The following TCN2 variants were observed in gnomAD, a reference collection of about 807,000 sequenced individuals.
The protein encoded by TCN2 is transcobalamin-2.
In TCN2, 34 loss-of-function variants were observed where a neutral mutation model predicts 48.6. That is an observed-to-expected ratio of 0.70 (90% confidence interval 0.53 to 0.93). TCN2 has a LOEUF of 0.93. Ranked by LOEUF, TCN2 falls within the 40% of genes least tolerant of loss-of-function variation. TCN2 has a pLI of 0.00. For synonymous variants in TCN2, 283 were observed against 212.5 expected (o/e 1.33, Z -2.89); for missense variants, 652 against 526.1 (o/e 1.24, Z -2.34).
In TCN2 at chr22:30,615,603, C is replaced by T. The variant is rs142553702; in HGVS notation, c.756C>T (p.Phe252=). ...TCTCTTCCTCACTCTATCACCAGTT[C>T]CTCATGACTTCCCCCATGCGTGGGG... The part of the protein sequence containing the change: ...NVYSTPLALQ[F]LMTSPMRGAE... Residue 252 remains phenylalanine, a splice_region_variant and synonymous_variant, in exon 6 of 9, where the codon TTC becomes TTT. Coordinates refer to ENST00000215838, the MANE Select transcript of TCN2 (RefSeq NM_000355.4). The T allele has an allele frequency of 6.2e-7, 1 of 1,614,164 alleles. No individual in the cohort carries two copies. The highest frequency in any genetic ancestry group is 2.2e-5 in the East Asian group (1 of 44,880).
At chr22:30,615,258 T>G (rs750651878) in intron 4 of TCN2, 43 bp from the exon 5 acceptor site, 16 of 1,612,718 alleles carry the variant, frequency 9.9e-6, no homozygotes, top group Non-Finnish European at 1.4e-5. Context: ...TCCTGGCCCC[T>G]TTGGCTCTCC....
At chr22:30,620,175 AGT>A in intron 7 of TCN2, among the ~76,000 whole-genome samples, 1 of 151,598 alleles carries the variant, frequency 6.6e-6, no homozygotes, top group East Asian at 1.9e-4. Flanking sequence ...CAAAGGGCTG[AGT>A]GTGATGGCTA....
intron 7 of TCN2, 64 bp from the exon 8 acceptor site, chr22:30,622,904 A>T (rs554118926): frequency 1.3e-6 from 2 of 1,540,112 alleles, no homozygotes; most frequent in East Asian, 4.5e-5. Context: ...GTGGGTGAGC[A>T]CTGCCTCTCC....
At chr22:30,619,868 CTT>C (rs1228461055) in intron 7 of TCN2, among the ~76,000 whole-genome samples, 4 of 152,102 alleles carry the variant, frequency 2.6e-5, no homozygotes, top group African/African-American at 4.8e-5. Flanking sequence ...AATATAAAGT[CTT>C]TGGCCAGAGC....
chr22:30,611,773 G>A (rs1179648985), intron 2 of TCN2, among the ~76,000 whole-genome samples: 1 of 152,224 alleles, frequency 6.6e-6, no homozygotes, highest in Non-Finnish European at 1.5e-5. Context: ...TTCCCAAAGT[G>A]TTGGGATTAT....
chr22:30,621,382 T>G (rs937811245), intron 7 of TCN2, among the ~76,000 whole-genome samples: 1 of 152,238 alleles, frequency 6.6e-6, no homozygotes, highest in South Asian at 2.1e-4. Context: ...TTGTAGAAGA[T>G]GCGTTTGTTC....
rs771345505 is a variant in TCN2, at chr22:30,623,091, AT to A, written c.1222+9del. 1 of 1,613,676 alleles carries A rather than the reference AT, an allele frequency of 6.2e-7. No homozygotes were observed. Among genetic ancestry groups the A allele is most frequent in the South Asian group, 1.1e-5 (1 of 91,042 alleles). Reference sequence around the variant, plus strand: ...ACACCCCACTGTTGCAAGGTGAGTCATGGCCTGACACTCTGGATGTGTCCCC... The same window carrying A: ...ACACCCCACTGTTGCAAGGTGAGTCAGGCCTGACACTCTGGATGTGTCCCC... On this transcript the variant is annotated intron_variant, in intron 8 of 8. Coordinates refer to ENST00000215838, the MANE Select transcript of TCN2 (RefSeq NM_000355.4).
At chr22:30,618,336 T>C (rs1340141485) in intron 7 of TCN2, among the ~76,000 whole-genome samples, 1 of 151,484 alleles carries the variant, frequency 6.6e-6, no homozygotes, top group African/African-American at 2.4e-5. Context: ...CTCGTGTTTG[T>C]GTATTTGTTT....
In TCN2 at chr22:30,615,300, G is replaced by A. The variant is rs1481053993; in HGVS notation, c.581-1G>A. The A allele has an allele frequency of 1.2e-6, 2 of 1,614,074 alleles. No homozygotes were observed. The highest frequency in any genetic ancestry group is 8.5e-7 in the Non-Finnish European group (1 of 1,180,052). ...TTGCATGTTCTGTCCCCCACTTCAA[G>A]ACACAGCAGCCATGGCAGGCTTGGC... On this transcript the variant is annotated splice_acceptor_variant, in intron 4 of 8. Coordinates refer to ENST00000215838, the MANE Select transcript of TCN2 (RefSeq NM_000355.4). LOFTEE classifies it high-confidence loss of function.
rs762023960 is a variant in TCN2, at chr22:30,615,302, C to G, written c.582C>G (p.Asp194Glu). 3.7e-6 allele frequency: 6 copies of G among 1,614,230 alleles called. No individual in the cohort carries two copies. Among genetic ancestry groups the G allele is most frequent in the South Asian group, 1.1e-5 (1 of 91,086 alleles). The change falls in exon 5 of 9, where the codon GAC (aspartate) becomes GAG (glutamate). Residue 194 changes from aspartate to glutamate, a missense_variant and splice_region_variant. Coordinates refer to ENST00000215838, the MANE Select transcript of TCN2 (RefSeq NM_000355.4). Reference sequence around the variant, plus strand: ...GCATGTTCTGTCCCCCACTTCAAGACACAGCAGCCATGGCAGGCTTGGCAT... The same window carrying G: ...GCATGTTCTGTCCCCCACTTCAAGAGACAGCAGCCATGGCAGGCTTGGCAT... ...EPFHQGHHSV[D>E]TAAMAGLAFT...
intron 1 of TCN2, among the ~76,000 whole-genome samples, 176 bp downstream of exon 1, chr22:30,607,571 C>A (rs1250629925): frequency 6.6e-6 from 1 of 152,184 alleles, no homozygotes; most frequent in African/African-American, 2.4e-5. Context: ...GACTCCTCAC[C>A]AGACAAGATC....
At chr22:30,618,937 T>C (rs2087656714) in intron 7 of TCN2, among the ~76,000 whole-genome samples, 1 of 152,128 alleles carries the variant, frequency 6.6e-6, no homozygotes, top group Non-Finnish European at 1.5e-5. Flanking sequence ...ACCTGGCTAA[T>C]GTTTATATTT....
At chr22:30,613,964 T>A (rs989663338) in intron 3 of TCN2, among the ~76,000 whole-genome samples, 1 of 152,174 alleles carries the variant, frequency 6.6e-6, no homozygotes, top group Non-Finnish European at 1.5e-5. Context: ...TGCAGTTCAC[T>A]CCTGCTCTAC....
Position 30,626,463 on chromosome 22 carries a change from T to C in TCN2, c.1226T>C (p.Ile409Thr), listed in dbSNP as rs746912877. ...RDPNTPLLQG[I>T]ADYRPKDGET... ...CTTGCTCAATCTGTTTCTGCAGGTATTGCTGACTACAGACCCAAGGATGGA... is the reference window on the plus strand; with the variant it reads ...CTTGCTCAATCTGTTTCTGCAGGTACTGCTGACTACAGACCCAAGGATGGA... Residue 409 changes from isoleucine to threonine, a missense_variant, in exon 9 of 9, where the codon ATT becomes ACT. By Grantham distance (89) the Ile-to-Thr change is moderately conservative. Transcript: ENST00000215838. The C allele has an allele frequency of 6.2e-7, 1 of 1,614,156 alleles. No homozygotes were observed. The highest frequency in any genetic ancestry group is 8.5e-7 in the Non-Finnish European group (1 of 1,180,008).
intron 8 of TCN2, among the ~76,000 whole-genome samples, chr22:30,625,675 G>A (rs989538295): frequency 6.6e-6 from 1 of 152,098 alleles, no homozygotes; most frequent in African/African-American, 2.4e-5. Context: ...TGTTGCATAG[G>A]CTGGTCTCGA....
chr22:30,609,411 G>A lies in TCN2; in HGVS notation c.65-1460G>A, dbSNP rs188210074. Among the ~76,000 whole-genome samples, 6 of 152,244 alleles carry A rather than the reference G, an allele frequency of 3.9e-5. No homozygotes were observed. The East Asian group carries it at 9.7e-4, about 25-fold the overall frequency. ...TTATTACCCTGCGTGAATCTGCCTG[G>A]CCCCTTCCTTCTAAGGAGGTTGCTC... On this transcript the variant is annotated intron_variant, in intron 1 of 8. Transcript: ENST00000215838.
chr22:30,607,794 G>A (rs1207294681), intron 1 of TCN2, among the ~76,000 whole-genome samples: 1 of 152,112 alleles, frequency 6.6e-6, no homozygotes, highest in Non-Finnish European at 1.5e-5. Context: ...GGCTGAGGCG[G>A]GAGGGGAGGA....
In TCN2 at chr22:30,626,474, A is replaced by T; in HGVS notation, c.1237A>T (p.Arg413Ter). ...TPLLQGIADYRPKDGETIELR... is the reference protein window; with the variant it reads ...TPLLQGIADY ...TGTTTCTGCAGGTATTGCTGACTAC[A>T]GACCCAAGGATGGAGAAACCATTGA... Residue 413 changes from arginine (R) to a stop codon, truncating the protein, a stop_gained, in exon 9 of 9, where the codon AGA (arginine) becomes TGA (stop). Transcript: ENST00000215838. LOFTEE classifies it high-confidence loss of function. 1 of 1,614,154 alleles carries T rather than the reference A, an allele frequency of 6.2e-7. No individual in the cohort carries two copies. The highest frequency in any genetic ancestry group is 1.1e-5 in the South Asian group (1 of 91,088).
chr22:30,616,428 C>T (rs1379457071), intron 6 of TCN2, among the ~76,000 whole-genome samples: 3 of 147,408 alleles, frequency 2.0e-5, no homozygotes, highest in African/African-American at 5.0e-5. Context: ...GTGGAGGTTG[C>T]AGTGAGCCAA....
Sources: gnomAD v4.1 joint callset for allele counts (sites outside exome capture counted in the v4.1 genomes callset) on GRCh38, gnomAD v4.1.1 for gene constraint, MANE v1.5 for transcripts, NCBI Gene and HGNC (gene_info 2026-07-23, HGNC 2026-07-21) for gene names.